UIMC1: variants seen among roughly 807,000 people sequenced by gnomAD.
UIMC1 encodes BRCA1-A complex subunit RAP80.
In UIMC1, 42 loss-of-function variants were observed where a neutral mutation model predicts 84.9. The ratio of observed to expected loss-of-function variants is 0.49; its 90% CI spans 0.39 to 0.64. The LOEUF (loss-of-function observed/expected upper bound fraction) is 0.64, where lower values mean the gene tolerates loss of function less well. Ranked by LOEUF, UIMC1 falls within the 30% of genes least tolerant of loss-of-function variation. The pLI is 0.00. For synonymous variants in UIMC1, 281 were observed against 293.0 expected (o/e 0.96, Z 0.42); for missense variants, 825 against 847.6 (o/e 0.97, Z 0.33).
chr5:176,981,780 C>T (rs982806769), intron 2 of UIMC1, among the ~76,000 whole-genome samples: 1 of 151,396 alleles, frequency 6.6e-6, no homozygotes, highest in Non-Finnish European at 1.5e-5. Context: ...AGAGGGAGAC[C>T]CTGGCTCTAG....
upstream of UIMC1, among the ~76,000 whole-genome samples, chr5:177,011,731 C>T (rs1434401556): frequency 6.6e-6 from 1 of 151,870 alleles, no homozygotes; most frequent in Middle Eastern, 3.2e-3. Flanking sequence ...AGATGTGTTG[C>T]GGGAAGTCAG....
intron 1 of UIMC1, chr5:177,006,308 C>T (rs113383925): frequency 0.033 from 4,996 of 152,584 alleles, 296 homozygotes; most frequent in African/African-American, 0.11. Flanking sequence ...GGACCCAGCC[C>T]CGGCATCTGG....
chr5:176,907,441 A>T (rs559927302), intron 12 of UIMC1: 7 of 355,036 alleles, frequency 2.0e-5, no homozygotes, highest in African/African-American at 1.2e-4. Flanking sequence ...GTGATCCCAG[A>T]ATAAACTGGC....
intron 3 of UIMC1, among the ~76,000 whole-genome samples, chr5:176,972,882 C>T (rs1769470219): frequency 6.6e-6 from 1 of 151,276 alleles, no homozygotes; most frequent in South Asian, 2.1e-4. Flanking sequence ...TAAGGGAATA[C>T]TATGAATGAT....
At chr5:176,927,190 C>T (rs1185185321) in intron 10 of UIMC1, among the ~76,000 whole-genome samples, 1 of 143,598 alleles carries the variant, frequency 7.0e-6, no homozygotes, top group African/African-American at 2.6e-5. Context: ...TAATAAGACA[C>T]CATTTCTTTA....
At chr5:176,947,933 C>A (rs2149449360) in intron 9 of UIMC1, among the ~76,000 whole-genome samples, 1 of 151,990 alleles carries the variant, frequency 6.6e-6, no homozygotes, top group African/African-American at 2.4e-5. Context: ...AAAAAATACA[C>A]CTCACTTCAA....
At chr5:177,007,702 T>G (rs1775419537), upstream of UIMC1, among the ~76,000 whole-genome samples, 1 of 152,120 alleles carries the variant, frequency 6.6e-6, no homozygotes, top group African/African-American at 2.4e-5. Context: ...GTATATAAGA[T>G]GAACTAGATG....
chr5:177,009,581 G>A (rs575994907), upstream of UIMC1, among the ~76,000 whole-genome samples: 45 of 152,198 alleles, frequency 3.0e-4, no homozygotes, highest in African/African-American at 1.1e-3. This position sits in a 1 kb window ranked among gnomAD's most constrained non-coding sequence, Gnocchi z 4.3. Flanking sequence ...AGAGAATGAT[G>A]TATTATATAG....
chr5:176,988,510 T>C (rs1052593135), intron 1 of UIMC1, among the ~76,000 whole-genome samples: 4 of 151,796 alleles, frequency 2.6e-5, no homozygotes, highest in South Asian at 2.1e-4. Flanking sequence ...TACCAGAAGA[T>C]GAGATAGGGG....
intron 1 of UIMC1, among the ~76,000 whole-genome samples, chr5:177,005,882 C>T (rs1581729445): frequency 6.6e-6 from 1 of 152,170 alleles, no homozygotes; most frequent in African/African-American, 2.4e-5. Flanking sequence ...AACTGAGCGG[C>T]AGGGCACCAG....
In UIMC1 at chr5:176,975,436, CTGTT is replaced by C. The variant is rs1474874193; in HGVS notation, c.188_191del (p.Lys63SerfsTer16). 1 of 1,614,048 alleles carries C rather than the reference CTGTT, an allele frequency of 6.2e-7. No homozygotes were observed. The highest frequency in any genetic ancestry group is 8.5e-7 in the Non-Finnish European group (1 of 1,179,988). Reference sequence around the variant, plus strand: ...TGGCCAAACACTTTGCTCTATTCGACTGTTTTGTCTTCGTTTTCTGCAACCCATT... The same window carrying C: ...TGGCCAAACACTTTGCTCTATTCGACTTGTCTTCGTTTTCTGCAACCCATT... On this transcript the variant is annotated frameshift_variant, in exon 3 of 15. Transcript: ENST00000511320. LOFTEE classifies it high-confidence loss of function.
chr5:176,989,894 C>T (rs1358776460), intron 1 of UIMC1, among the ~76,000 whole-genome samples: 1 of 150,766 alleles, frequency 6.6e-6, no homozygotes, highest in African/African-American at 2.4e-5. Flanking sequence ...AGAAATGGGG[C>T]CTGGGGCCAG....
upstream of UIMC1, among the ~76,000 whole-genome samples, chr5:177,009,633 CTAAAT>C (rs2149553166): frequency 6.6e-6 from 1 of 152,080 alleles, no homozygotes; most frequent in East Asian, 1.9e-4. This position sits in a 1 kb window ranked among gnomAD's most constrained non-coding sequence, Gnocchi z 4.3. Flanking sequence ...AAATGAAAAA[CTAAAT>C]AAAATAAATG....
At chr5:176,908,890 C>G (rs1267072110) in intron 11 of UIMC1, among the ~76,000 whole-genome samples, 196 bp from the exon 12 acceptor site, 1 of 152,208 alleles carries the variant, frequency 6.6e-6, no homozygotes, top group Non-Finnish European at 1.5e-5. Context: ...GAGTGATTAG[C>G]AGTTTTCCCT....
intron 12 of UIMC1, chr5:176,907,446 A>C (rs1471763011): frequency 8.7e-6 from 3 of 346,552 alleles, no homozygotes; most frequent in Non-Finnish European, 1.1e-5. Context: ...CCCAGAATAA[A>C]CTGGCTGTAT....
intron 10 of UIMC1, among the ~76,000 whole-genome samples, chr5:176,920,747 G>A (rs1231393834): frequency 2.0e-5 from 3 of 152,120 alleles, no homozygotes; most frequent in Admixed American, 1.3e-4. Flanking sequence ...TTACTTCTTC[G>A]TTTCCAACCT....
At chr5:176,970,892 G>A (rs1277082355) in intron 3 of UIMC1, 26 bp from the exon 4 acceptor site, 4 of 1,610,276 alleles carry the variant, frequency 2.5e-6, no homozygotes, top group Non-Finnish European at 3.4e-6. Context: ...GAAAAGAGAA[G>A]GAGGAACACC....
At chr5:176,937,320 C>T (rs566915023) in intron 10 of UIMC1, among the ~76,000 whole-genome samples, 1 of 152,012 alleles carries the variant, frequency 6.6e-6, no homozygotes, top group Non-Finnish European at 1.5e-5. Context: ...ATGGTGAAAC[C>T]CCATCTCTGC....
chr5:176,984,405 G>A (rs1478294439), intron 1 of UIMC1, among the ~76,000 whole-genome samples: 6 of 135,226 alleles, frequency 4.4e-5, no homozygotes, highest in Admixed American at 7.6e-5. Context: ...GCCTCTGCCC[G>A]GCCGCCACCC....
Sources: gnomAD v4.1 joint callset for allele counts (sites outside exome capture counted in the v4.1 genomes callset) on GRCh38, gnomAD v4.1.1 for gene constraint, Gnocchi (gnomAD v3.1) non-coding constraint, MANE v1.5 for transcripts, NCBI Gene and HGNC (gene_info 2026-07-23, HGNC 2026-07-21) for gene names.